The following LAMB2 variants were observed in gnomAD, a reference collection of about 807,000 sequenced individuals.
LAMB2 encodes the protein laminin subunit beta 2.
In LAMB2, 119 loss-of-function variants were observed where a neutral mutation model predicts 202.7. The observed-to-expected ratio is 0.59, with a 90% confidence interval of 0.51 to 0.68. The LOEUF (loss-of-function observed/expected upper bound fraction) is 0.68, where lower values mean the gene tolerates loss of function less well. LAMB2 is among the 30% of genes least tolerant of loss of function. The probability of loss-of-function intolerance (pLI) is 0.00; values close to 1 mark genes in which losing one functional copy is unlikely to be tolerated. For missense variants in LAMB2, 2,124 were observed against 2,410.6 expected, an observed-to-expected ratio of 0.88 and a Z score of 2.49; for synonymous variants, 818 against 902.2, an observed-to-expected ratio of 0.91 and a Z score of 1.67.
intron 15 of LAMB2, among the ~76,000 whole-genome samples, chr3:49,126,886 C>G (rs1229438756): frequency 6.6e-6 from 1 of 152,222 alleles, no homozygotes; most frequent in East Asian, 1.9e-4. Context: ...CCAAGGCTTT[C>G]CTTTCCCATT....
chr3:49,127,933 T>C (rs2045435419), intron 15 of LAMB2, among the ~76,000 whole-genome samples: 1 of 148,264 alleles, frequency 6.7e-6, no homozygotes, highest in Admixed American at 6.8e-5. Flanking sequence ...CACATGAGAA[T>C]TGCTTGAACC....
At position 49,122,376 on chromosome 3, in the gene LAMB2, G is replaced by A; in HGVS notation, c.4574-6C>T. The A allele has an allele frequency of 1.2e-6, 2 of 1,612,490 alleles. No homozygotes were observed. Among genetic ancestry groups the A allele is most frequent in the East Asian group, 2.2e-5 (1 of 44,888 alleles). ...ATCAGGATCAGCCCCCTCCTCTATA[G>A]GGACACAGCAAGAACTTAAGAACAT... On this transcript the variant is annotated splice_polypyrimidine_tract_variant and splice_region_variant and intron_variant, in intron 27 of 31. Coordinates refer to ENST00000305544, the MANE Select transcript of LAMB2 (RefSeq NM_002292.4).
rs746894283 is a variant in LAMB2 at position 49,131,007 on chromosome 3, G to A, written c.858C>T (p.Tyr286=). ...CGGGTGCACACTCTGAGGCGTGTCC[G>A]TAGCAGAAGCAGTTGCCACGTACAA... ...ELVVRGNCFC[Y]GHASECAPAP... is the part of the protein sequence containing the mutation. Residue 286 remains tyrosine (Y), a synonymous_variant, in exon 7 of 32, where the codon TAC becomes TAT. Coordinates refer to ENST00000305544, the MANE Select transcript of LAMB2 (RefSeq NM_002292.4). The surrounding 1 kb of genome is among the most constrained non-coding windows in gnomAD (Gnocchi z 5.0). 34 of 1,613,886 alleles carry A rather than the reference G, an allele frequency of 2.1e-5. No homozygotes were observed. The highest frequency in any genetic ancestry group is 1.6e-4 in the South Asian group (15 of 91,088).
At position 49,130,372 on chromosome 3, in the gene LAMB2, C is replaced by T. The variant is rs369642882; in HGVS notation, c.1084G>A (p.Val362Ile). 1.9e-5 allele frequency: 31 copies of T among 1,614,024 alleles called. No homozygotes were observed. The highest frequency in any genetic ancestry group is 1.6e-4 in the Middle Eastern group (1 of 6,084). ...CTCACATTGCCAGATGCCAGGTATA[C>T]GGCCATGTCGAAGTGGCAGCTGTGG... ...HTHSCHFDMA[V>I]YLASGNVSGG... is the part of the protein sequence containing the mutation. The change falls in exon 9 of 32, where the codon GTA (valine) becomes ATA (isoleucine). Residue 362 changes from valine (V) to isoleucine (I), a missense_variant. Coordinates refer to ENST00000305544, the MANE Select transcript of LAMB2 (RefSeq NM_002292.4). This position sits in a 1 kb window ranked among gnomAD's most constrained non-coding sequence, Gnocchi z 5.0.
Position 49,122,096 on chromosome 3 carries a change from G to A in LAMB2, c.4782-11C>T. Reference sequence around the variant, plus strand: ...TCCTCAGCCCAGCTCCTGGGGAGAAGGGGGAATCAGAACCTGGAGGTATCA... The same window carrying A: ...TCCTCAGCCCAGCTCCTGGGGAGAAAGGGGAATCAGAACCTGGAGGTATCA... On this transcript the variant is annotated splice_polypyrimidine_tract_variant and intron_variant, in intron 28 of 31. Coordinates refer to ENST00000305544, the MANE Select transcript of LAMB2 (RefSeq NM_002292.4). The A allele has an allele frequency of 6.2e-7, 1 of 1,613,306 alleles. No individual in the cohort carries two copies. The highest frequency in any genetic ancestry group is 8.5e-7 in the Non-Finnish European group (1 of 1,180,030).
Position 49,121,320 on chromosome 3 carries a change from CT to C in LAMB2, c.5302del (p.Ser1768ValfsTer53). The C allele has an allele frequency of 6.2e-7, 1 of 1,613,902 alleles. No homozygotes were observed. Among genetic ancestry groups the C allele is most frequent in the Non-Finnish European group, 8.5e-7 (1 of 1,180,044 alleles). On this transcript the variant is annotated frameshift_variant, in exon 32 of 32. Transcript: ENST00000305544. LOFTEE classifies it high-confidence loss of function. The stretch of plus-strand genomic sequence containing the variant: ...CAACCCGTCCAACTGGGCTGCCTTA[CT>C]CTCCAGTGCCCGCTCATTTTCCTCA... ...TYEENERALE[S>X]KAAQLDGLEA...
Position 49,132,759 on chromosome 3 carries a change from C to A in LAMB2, c.76+33G>T. The stretch of plus-strand genomic sequence containing the variant: ...AACTACCAGGACCTACCATCACATT[C>A]CACAACCCCCAGCCCCCACCAGGCC... On this transcript the variant is annotated intron_variant, in intron 1 of 31. Transcript: ENST00000305544. The surrounding 1 kb of genome is among the most constrained non-coding windows in gnomAD (Gnocchi z 4.6). 1 of 1,613,874 alleles carries A rather than the reference C, an allele frequency of 6.2e-7. No homozygotes were observed. The highest frequency in any genetic ancestry group is 8.5e-7 in the Non-Finnish European group (1 of 1,179,752).
At position 49,125,400 on chromosome 3, in the gene LAMB2, C is replaced by G. The variant is rs766974197; in HGVS notation, c.2573G>C (p.Gly858Ala). Residue 858 changes from glycine to alanine, a missense_variant, in exon 19 of 32, where the codon GGG (glycine) becomes GCG (alanine). This residue lies in a region of LAMB2 where 1,702 missense variants were observed against 1,896.3 expected (regional missense o/e 0.90). Transcript: ENST00000305544. ...ACGCTGGCAGCGGTCACAGCGAAGCCCAAAGGCACCAGTTCGACAGAGACA... is the reference window on the plus strand; with the variant it reads ...ACGCTGGCAGCGGTCACAGCGAAGCGCAAAGGCACCAGTTCGACAGAGACA... ...GQCLCRTGAF[G>A]LRCDRCQRGQ... 1 of 1,614,036 alleles carries G rather than the reference C, an allele frequency of 6.2e-7. No homozygotes were observed.
rs2045469319 is a variant in LAMB2 at position 49,130,502 on chromosome 3, T to A, written c.1037-83A>T. ...AGAAGTAGGCCACCTTAGATCCCTA[T>A]CACAGGCCAGAATTTGTGGGTAGGG... On this transcript the variant is annotated intron_variant, in intron 8 of 31. Coordinates refer to ENST00000305544, the MANE Select transcript of LAMB2 (RefSeq NM_002292.4). This position sits in a 1 kb window ranked among gnomAD's most constrained non-coding sequence, Gnocchi z 5.0. 1 of 1,534,252 alleles carries A rather than the reference T, an allele frequency of 6.5e-7. No individual in the cohort carries two copies. The highest frequency in any genetic ancestry group is 9.0e-7 in the Non-Finnish European group (1 of 1,110,578).
At position 49,123,339 on chromosome 3, in the gene LAMB2, C is replaced by T; in HGVS notation, c.4017G>A (p.Gln1339=). 6.2e-7 allele frequency: 1 copy of T among 1,614,060 alleles called. No homozygotes were observed. Residue 1339 remains glutamine, a synonymous_variant, in exon 26 of 32, where the codon CAG becomes CAA. Coordinates refer to ENST00000305544, the MANE Select transcript of LAMB2 (RefSeq NM_002292.4). ...TGGCACGACGTTCTGCCTCTGCAGA[C>T]TGGCTATGGGCATGCCGGATGCTGT... ...AYDSIRHAHS[Q]SAEAERRANT...
chr3:49,132,838 C>G lies in LAMB2; in HGVS notation c.30G>C (p.Arg10Ser). 1 of 1,614,188 alleles carries G rather than the reference C, an allele frequency of 6.2e-7. No individual in the cohort carries two copies. The highest frequency in any genetic ancestry group is 8.5e-7 in the Non-Finnish European group (1 of 1,180,038). MELTSRERG[R>S]GQPLPWELRL... ...GAAGTTCCCAGGGCAGAGGCTGTCC[C>G]CTCCCTCTTTCCCTTGAGGTCAGCT... Residue 10 changes from arginine (R) to serine (S), a missense_variant, in exon 1 of 32, where the codon AGG becomes AGC. This residue lies in a region of LAMB2 where 166 missense variants were observed against 158.2 expected (regional missense o/e 1.05). Transcript: ENST00000305544. The surrounding 1 kb of genome is among the most constrained non-coding windows in gnomAD (Gnocchi z 4.6).
rs1575533504 is a variant in LAMB2, at chr3:49,125,552, G to A, written c.2489-68C>T. On this transcript the variant is annotated intron_variant, in intron 18 of 31. Coordinates refer to ENST00000305544, the MANE Select transcript of LAMB2 (RefSeq NM_002292.4). ...CTGAGGGGAGTGTGGGTGGGGGAGG[G>A]TCTCAGGGGAGTGTGAGTAGTGGGA... 62 of 1,415,858 alleles carry A rather than the reference G, an allele frequency of 4.4e-5. No homozygotes were observed. The East Asian group carries it at 1.5e-3, about 35-fold the overall frequency. 87.7% of individuals were successfully genotyped at this position (1,415,858 alleles called of 1,614,324 possible).
intron 26 of LAMB2, 26 bp from the exon 27 acceptor site, chr3:49,123,078 C>T (rs1450961954): frequency 2.5e-6 from 4 of 1,606,528 alleles, no homozygotes; most frequent in South Asian, 2.2e-5. Flanking sequence ...CAAGTCAGGG[C>T]CCTGTGAGAG....
rs1276222311 is a variant in LAMB2, at chr3:49,128,513, C to T, written c.1963G>A (p.Gly655Arg). The T allele has an allele frequency of 6.2e-7, 1 of 1,614,174 alleles. No individual in the cohort carries two copies. The highest frequency in any genetic ancestry group is 1.3e-5 in the African/African-American group (1 of 75,072). ...CGATCATCCTTGGGCACCAAATGCCCACACAGGCTGTGGGCAGGCACAGGC... is the reference window on the plus strand; with the variant it reads ...CGATCATCCTTGGGCACCAAATGCCTACACAGGCTGTGGGCAGGCACAGGC... Reference protein sequence around the residue: ...PGPVPAHSLCGHLVPKDDRIQ... With the variant: ...PGPVPAHSLCRHLVPKDDRIQ... Residue 655 changes from glycine to arginine, a missense_variant, in exon 15 of 32, where the codon GGG becomes AGG. By Grantham distance (125) the Gly-to-Arg change is moderately radical. Around this residue, in one of 3 missense-constraint regions of LAMB2, gnomAD observed 1,702 missense variants for 1,896.3 expected, o/e 0.90. Coordinates refer to ENST00000305544, the MANE Select transcript of LAMB2 (RefSeq NM_002292.4).
Position 49,132,410 on chromosome 3 carries a change from G to A in LAMB2, c.250-5C>T, listed in dbSNP as rs2045491667. On this transcript the variant is annotated splice_polypyrimidine_tract_variant and splice_region_variant and intron_variant, in intron 2 of 31. Transcript: ENST00000305544. This position sits in a 1 kb window ranked among gnomAD's most constrained non-coding sequence, Gnocchi z 4.6. ...AAGGAAGCACTTCTTTTCGTCCTGGGTTGGATGGGGATTAGAATCAGTGCC... is the reference window on the plus strand; with the variant it reads ...AAGGAAGCACTTCTTTTCGTCCTGGATTGGATGGGGATTAGAATCAGTGCC... 9 of 1,614,126 alleles carry A rather than the reference G, an allele frequency of 5.6e-6. No homozygotes were observed. The East Asian group carries it at 2.0e-4, about 36-fold the overall frequency.
chr3:49,122,673 C>T (rs879148975), intron 27 of LAMB2, 31 bp downstream of exon 27: 1 of 1,585,958 alleles, frequency 6.3e-7, no homozygotes. Flanking sequence ...AAGGGGACAA[C>T]CACATGGCCT....
rs774641752 is a variant in LAMB2, at chr3:49,131,456, G to C, written c.649-14C>G. On this transcript the variant is annotated splice_polypyrimidine_tract_variant and intron_variant, in intron 5 of 31. Transcript: ENST00000305544. The surrounding 1 kb of genome is among the most constrained non-coding windows in gnomAD (Gnocchi z 5.0). The stretch of plus-strand genomic sequence containing the variant: ...ACGATAGATGACCTGGAGAAGCAGG[G>C]AGTTCATAGTCACACTGGACCTTGC... 6.2e-7 allele frequency: 1 copy of C among 1,614,060 alleles called. No homozygotes were observed. Among genetic ancestry groups the C allele is most frequent in the Non-Finnish European group, 8.5e-7 (1 of 1,179,990 alleles).
intron 16 of LAMB2, 69 bp from the exon 17 acceptor site, chr3:49,126,228 C>T: frequency 6.2e-7 from 1 of 1,602,856 alleles, no homozygotes; most frequent in African/African-American, 1.3e-5. Context: ...GAGCACTTGC[C>T]TTAGCACTGC....
At position 49,124,071 on chromosome 3, in the gene LAMB2, T is replaced by C; in HGVS notation, c.3454A>G (p.Thr1152Ala). The change falls in exon 24 of 32, where the codon ACA becomes GCA. Residue 1152 changes from threonine to alanine, a missense_variant. Transcript: ENST00000305544. ...CCTGTGAAGCGGTGACACTGAGGTGTATCTATTCCACGAGAGTCACAATCA... is the reference window on the plus strand; with the variant it reads ...CCTGTGAAGCGGTGACACTGAGGTGCATCTATTCCACGAGAGTCACAATCA... Reference protein sequence around the residue: ...ACDCDSRGIDTPQCHRFTGHC... With the variant: ...ACDCDSRGIDAPQCHRFTGHC... 2.5e-6 allele frequency: 4 copies of C among 1,613,940 alleles called. No homozygotes were observed. Among genetic ancestry groups the C allele is most frequent in the Non-Finnish European group, 2.5e-6 (3 of 1,180,016 alleles).
Sources: gnomAD v4.1 joint callset for allele counts (sites outside exome capture counted in the v4.1 genomes callset) on GRCh38, gnomAD v4.1.1 for gene constraint, gnomAD v4.1.1 regional missense constraint, Gnocchi (gnomAD v3.1) non-coding constraint, MANE v1.5 for transcripts, NCBI Gene and HGNC (gene_info 2026-07-23, HGNC 2026-07-21) for gene names.